TRAPPC10: variants seen among roughly 807,000 people sequenced by gnomAD.
TRAPPC10 encodes the protein TRAPP 130 kDa subunit.
A neutral mutation model predicts 125.5 loss-of-function variants in TRAPPC10; 23 were observed. That is an observed-to-expected ratio of 0.18 (90% CI 0.13 to 0.26). The LOEUF is 0.26. TRAPPC10 is among the 10% of genes least tolerant of loss of function. The probability of loss-of-function intolerance (pLI) is 1.00; values close to 1 mark genes in which losing one functional copy is unlikely to be tolerated. For missense variants in TRAPPC10, 1,123 were observed against 1,308.4 expected (o/e 0.86, Z 2.19); for synonymous variants, 509 against 518.0 (o/e 0.98, Z 0.24).
At chr21:44,020,373 G>A (rs1601552556) in intron 1 of TRAPPC10, among the ~76,000 whole-genome samples, 1 of 152,026 alleles carries the variant, frequency 6.6e-6, no homozygotes. Context: ...TGATCTGCCC[G>A]CCTCGGCCTC....
At chr21:44,056,320 C>T (rs1248758035) in intron 5 of TRAPPC10, among the ~76,000 whole-genome samples, 1 of 152,122 alleles carries the variant, frequency 6.6e-6, no homozygotes, top group Non-Finnish European at 1.5e-5. Context: ...CACTTTTAAG[C>T]CAGTGCTCCA....
At chr21:44,079,096 A>G (rs2037489859) in intron 11 of TRAPPC10, among the ~76,000 whole-genome samples, 1 of 151,972 alleles carries the variant, frequency 6.6e-6, no homozygotes, top group African/African-American at 2.4e-5. Flanking sequence ...CGCCCTGTAG[A>G]CTGCTTCTGT....
intron 2 of TRAPPC10, among the ~76,000 whole-genome samples, chr21:44,036,443 G>A (rs2033989801): frequency 6.6e-6 from 1 of 152,210 alleles, no homozygotes; most frequent in South Asian, 2.1e-4. Context: ...GGCTGGCCGT[G>A]TGGGGGCCAG....
Position 44,055,897 on chromosome 21 carries a change from C to A in TRAPPC10, c.678+4C>A. 3 of 1,594,898 alleles carry A rather than the reference C, an allele frequency of 1.9e-6. No homozygotes were observed. The highest frequency in any genetic ancestry group is 1.3e-5 in the African/African-American group (1 of 74,780). ...TTGTGAATATTTCATGGTTCAGGTA[C>A]TTGACTCATTACAGAACTAGACAGT... On this transcript the variant is annotated splice_donor_region_variant and intron_variant, in intron 5 of 22. Coordinates refer to ENST00000291574, the MANE Select transcript of TRAPPC10 (RefSeq NM_003274.5).
rs1008281678 is a variant in TRAPPC10, at chr21:44,082,107, A to G, written c.1724-681A>G. On this transcript the variant is annotated intron_variant, in intron 13 of 22. Coordinates refer to ENST00000291574, the MANE Select transcript of TRAPPC10 (RefSeq NM_003274.5). This position sits in a 1 kb window ranked among gnomAD's most constrained non-coding sequence, Gnocchi z 4.4. ...AATCGTTTACTGTTTCTCATGATCT[A>G]TGGCATCAGTCTTGGCAAGTCCTTT... 2.6e-5 allele frequency among the ~76,000 whole-genome samples: 4 copies of G among 152,210 alleles called. No homozygotes were observed. The highest frequency in any genetic ancestry group is 4.4e-5 in the Non-Finnish European group (3 of 68,036).
chr21:44,076,406 C>G, intron 9 of TRAPPC10, 146 bp from the exon 10 acceptor site: 1 of 609,114 alleles, frequency 1.6e-6, no homozygotes, highest in Non-Finnish European at 2.9e-6. Context: ...TGTACATAAT[C>G]ATGTAGTTTC....
intron 7 of TRAPPC10, among the ~76,000 whole-genome samples, chr21:44,070,802 C>G (rs960401691): frequency 1.2e-4 from 18 of 152,360 alleles, no homozygotes; most frequent in Non-Finnish European, 5.9e-5. Context: ...CGAGCTCTTG[C>G]GTCTCTGCTG....
chr21:44,021,983 A>G (rs532709556), intron 1 of TRAPPC10, among the ~76,000 whole-genome samples: 24 of 152,124 alleles, frequency 1.6e-4, no homozygotes, highest in Non-Finnish European at 2.9e-4. Context: ...CAGAGAGAAA[A>G]CAAAAAACTG....
At chr21:44,081,452 C>G (rs1398371972) in intron 13 of TRAPPC10, among the ~76,000 whole-genome samples, 1 of 152,124 alleles carries the variant, frequency 6.6e-6, no homozygotes, top group Non-Finnish European at 1.5e-5. Flanking sequence ...AGCCACCATG[C>G]CTGGCCACCA....
At chr21:44,074,502 G>C (rs201286049) in intron 8 of TRAPPC10, 32 bp downstream of exon 8, 1 of 1,613,350 alleles carries the variant, frequency 6.2e-7, no homozygotes, top group South Asian at 1.1e-5. Context: ...GAATGCTCAC[G>C]TTGTCTCTGC....
At chr21:44,020,964 T>C (rs1380910350) in intron 1 of TRAPPC10, among the ~76,000 whole-genome samples, 1 of 152,210 alleles carries the variant, frequency 6.6e-6, no homozygotes, top group Non-Finnish European at 1.5e-5. Flanking sequence ...GCAGACACCA[T>C]CTGTTCACAT....
chr21:44,066,950 A>G (rs74803461), intron 7 of TRAPPC10, among the ~76,000 whole-genome samples: 1 of 152,242 alleles, frequency 6.6e-6, no homozygotes, highest in African/African-American at 2.4e-5. Context: ...TTTGTCGCCA[A>G]ATTAGAAGAA....
intron 1 of TRAPPC10, among the ~76,000 whole-genome samples, chr21:44,020,656 A>AT (rs919499462): frequency 6.6e-6 from 1 of 152,144 alleles, no homozygotes; most frequent in Non-Finnish European, 1.5e-5. Flanking sequence ...ACAAAAAAAA[A>AT]CAATTTCAGG....
chr21:44,027,408 C>T (rs2033172277), intron 1 of TRAPPC10, among the ~76,000 whole-genome samples: 1 of 152,186 alleles, frequency 6.6e-6, no homozygotes, highest in African/African-American at 2.4e-5. Context: ...GAAATGTTCA[C>T]TCTGTCTGCG....
intron 1 of TRAPPC10, among the ~76,000 whole-genome samples, chr21:44,022,983 C>T (rs1019490561): frequency 1.1e-4 from 17 of 150,598 alleles, no homozygotes; most frequent in African/African-American, 4.2e-4. Flanking sequence ...ATCACTAATT[C>T]CCTAAAGGTT....
At chr21:44,076,075 A>G (rs775693430) in intron 9 of TRAPPC10, among the ~76,000 whole-genome samples, 1 of 152,086 alleles carries the variant, frequency 6.6e-6, no homozygotes, top group Non-Finnish European at 1.5e-5. Flanking sequence ...CTCCTGGATA[A>G]TAAGGCTCTT....
At chr21:44,083,813 G>T (rs1262814931) in intron 14 of TRAPPC10, among the ~76,000 whole-genome samples, 1 of 152,198 alleles carries the variant, frequency 6.6e-6, no homozygotes, top group Non-Finnish European at 1.5e-5. Context: ...ACATTTTTTA[G>T]TCTAGGGCAG....
chr21:44,012,584 G>C (rs754416457), intron 1 of TRAPPC10, 24 bp downstream of exon 1: 307 of 1,529,004 alleles, frequency 2.0e-4, no homozygotes, highest in South Asian at 9.5e-4. Context: ...GGCGGGGAGG[G>C]CGCGGCGGTC....
At chr21:44,079,967 G>T (rs370474695) in intron 12 of TRAPPC10, 48 bp from the exon 13 acceptor site, 30 of 1,518,632 alleles carry the variant, frequency 2.0e-5, no homozygotes, top group South Asian at 3.4e-5. Context: ...ACTTCCCCCC[G>T]CACTCCTAAG....
Sources: gnomAD v4.1 joint callset for allele counts (sites outside exome capture counted in the v4.1 genomes callset) on GRCh38, gnomAD v4.1.1 for gene constraint, Gnocchi (gnomAD v3.1) non-coding constraint, MANE v1.5 for transcripts, NCBI Gene and HGNC (gene_info 2026-07-23, HGNC 2026-07-21) for gene names.